The following DYNC1I1 variants were observed in gnomAD, a reference collection of about 807,000 sequenced individuals.
DYNC1I1 encodes the protein dynein cytoplasmic 1 intermediate chain 1.
DYNC1I1 carries 43 observed loss-of-function variants against 86.6 expected under a neutral mutation model. The observed-to-expected ratio is 0.50, with a 90% CI of 0.39 to 0.64. The LOEUF is 0.64. Ranked by LOEUF, DYNC1I1 falls within the 30% of genes least tolerant of loss-of-function variation. The pLI is 0.00. For synonymous variants in DYNC1I1, 262 were observed against 283.7 expected (o/e 0.92, Z 0.77); for missense variants, 604 against 788.8 (o/e 0.77, Z 2.81).
chr7:95,942,110 T>A (rs1468997574), intron 6 of DYNC1I1, among the ~76,000 whole-genome samples: 1 of 151,854 alleles, frequency 6.6e-6, no homozygotes, highest in African/African-American at 2.4e-5. Flanking sequence ...ATCAACAAAA[T>A]TGATAGACCG....
chr7:96,104,634 T>G (rs1391258483), intron 16 of DYNC1I1, among the ~76,000 whole-genome samples: 1 of 152,156 alleles, frequency 6.6e-6, no homozygotes, highest in Non-Finnish European at 1.5e-5. Context: ...ATTTTCTTTT[T>G]GTTCATTAAA....
intron 9 of DYNC1I1, among the ~76,000 whole-genome samples, chr7:95,989,642 G>A (rs1253298820): frequency 1.3e-5 from 2 of 151,934 alleles, no homozygotes; most frequent in Non-Finnish European, 2.9e-5. Context: ...ATTGCCTGTG[G>A]AGGTGTTTCC....
At chr7:95,949,745 G>C (rs1792501552) in intron 6 of DYNC1I1, among the ~76,000 whole-genome samples, 1 of 152,142 alleles carries the variant, frequency 6.6e-6, no homozygotes, top group South Asian at 2.1e-4. Context: ...GTAATTAACA[G>C]GTAAATGTAA....
intron 2 of DYNC1I1, 43 bp downstream of exon 2, chr7:95,804,880 T>A (rs771173883): frequency 7.2e-6 from 11 of 1,532,016 alleles, no homozygotes; most frequent in Non-Finnish European, 8.8e-6. Context: ...AAAAGGAAAA[T>A]CACTTGATTC....
At chr7:96,074,727 GA>G (rs1464946898) in intron 14 of DYNC1I1, among the ~76,000 whole-genome samples, 1 of 152,192 alleles carries the variant, frequency 6.6e-6, no homozygotes, top group East Asian at 1.9e-4. Flanking sequence ...TTTCAGCAGA[GA>G]TATTTTGTGC....
chr7:96,003,292 T>C (rs1297711885), intron 10 of DYNC1I1, among the ~76,000 whole-genome samples: 1 of 152,214 alleles, frequency 6.6e-6, no homozygotes, highest in African/African-American at 2.4e-5. Flanking sequence ...CCCAGCTTCA[T>C]AAATGAACCC....
intron 2 of DYNC1I1, among the ~76,000 whole-genome samples, chr7:95,807,814 C>T (rs1326568733): frequency 1.3e-5 from 2 of 152,058 alleles, no homozygotes; most frequent in East Asian, 1.9e-4. Context: ...ATTATCAAAC[C>T]GTTTAGTACA....
chr7:96,108,300 C>T lies in DYNC1I1; in HGVS notation c.1543-1679C>T, dbSNP rs113930906. Among the ~76,000 whole-genome samples, 10 of 152,214 alleles carry T rather than the reference C, an allele frequency of 6.6e-5. No individual in the cohort carries two copies. In the East Asian group the frequency reaches 1.9e-3, roughly 29 times the overall value. On this transcript the variant is annotated intron_variant, in intron 16 of 16. Transcript: ENST00000537881. ...TTGGTCATAATGGATTGATTATCCC[C>T]TTTTTATAACGTTGAGCTCAAATTG...
rs1251768752 is a variant in DYNC1I1 at position 95,943,498 on chromosome 7, T to C, written c.491-34014T>C. Among the ~76,000 whole-genome samples the C allele has an allele frequency of 5.0e-5, 7 of 139,080 alleles. No homozygotes were observed. In the East Asian group the frequency reaches 1.4e-3, roughly 29 times the overall value. 91.2% of individuals were successfully genotyped at this position (139,080 alleles called of 152,430 possible). On this transcript the variant is annotated intron_variant, in intron 6 of 16. Transcript: ENST00000447467. ...CATCCCCATCAAGCTACCAATGCCT[T>C]CCTTCACAGAATTGGAAAAAAGTAC...
intron 6 of DYNC1I1, among the ~76,000 whole-genome samples, chr7:95,892,725 G>A (rs1489018564): frequency 1.3e-5 from 2 of 152,188 alleles, no homozygotes; most frequent in African/African-American, 4.8e-5. Context: ...GGGATTACAG[G>A]TGTGAGCCAC....
intron 16 of DYNC1I1, among the ~76,000 whole-genome samples, chr7:96,089,403 G>A (rs537838923): frequency 1.3e-5 from 2 of 152,142 alleles, no homozygotes; most frequent in Non-Finnish European, 2.9e-5. Context: ...GTGAAAATTT[G>A]AGGAAAAATT....
chr7:95,778,825 G>A (rs6977559), intron 1 of DYNC1I1, among the ~76,000 whole-genome samples: 93,384 of 151,776 alleles, frequency 0.62, 29,239 homozygotes, highest in East Asian at 0.78. Flanking sequence ...CACACCAGCT[G>A]GTTAAAAAAT....
intron 6 of DYNC1I1, among the ~76,000 whole-genome samples, chr7:95,871,452 C>A (rs1361193692): frequency 6.6e-6 from 1 of 152,156 alleles, no homozygotes; most frequent in Non-Finnish European, 1.5e-5. Context: ...ACAGGAAGAT[C>A]GTTAAAAAAC....
chr7:96,109,386 C>T (rs1791274905), intron 16 of DYNC1I1, among the ~76,000 whole-genome samples: 2 of 146,544 alleles, frequency 1.4e-5, no homozygotes, highest in Admixed American at 6.9e-5. Flanking sequence ...ACAACAGTCT[C>T]GTTGACTTCT....
intron 6 of DYNC1I1, among the ~76,000 whole-genome samples, chr7:95,933,191 CTTTA>C (rs1303270165): frequency 2.0e-5 from 3 of 152,066 alleles, no homozygotes; most frequent in African/African-American, 4.8e-5. Flanking sequence ...CACAGAGAAT[CTTTA>C]TTTATACTTT....
At chr7:96,040,716 G>GTTT (rs61104103) in intron 14 of DYNC1I1, among the ~76,000 whole-genome samples, 10 of 144,852 alleles carry the variant, frequency 6.9e-5, no homozygotes, top group African/African-American at 1.0e-4. Flanking sequence ...CAAATGAGTA[G>GTTT]TTTTTTTTTT....
At position 95,785,231 on chromosome 7, in the gene DYNC1I1, G is replaced by T. The variant is rs190401479; in HGVS notation, c.-10+12458G>T. On this transcript the variant is annotated intron_variant, in intron 1 of 16. Transcript: ENST00000447467. The stretch of plus-strand genomic sequence containing the variant: ...GTTCGAGACCAGCCTGGACAACATG[G>T]TAAAACCCCGTCTCTACCAAAAAAT... Among the ~76,000 whole-genome samples, 25 of 152,138 alleles carry T rather than the reference G, an allele frequency of 1.6e-4. No individual in the cohort carries two copies. The East Asian group carries it at 3.9e-3, about 24-fold the overall frequency.
intron 6 of DYNC1I1, among the ~76,000 whole-genome samples, chr7:95,874,680 G>A (rs1790261655): frequency 6.6e-6 from 1 of 152,140 alleles, no homozygotes; most frequent in Non-Finnish European, 1.5e-5. Flanking sequence ...TTCTCCCTGT[G>A]TGTGTGTTCA....
At chr7:95,806,420 AC>A (rs1794702130) in intron 2 of DYNC1I1, among the ~76,000 whole-genome samples, 4 of 152,192 alleles carry the variant, frequency 2.6e-5, no homozygotes, top group African/African-American at 9.6e-5. Context: ...TGATTCTACA[AC>A]CAAGCACTTT....
Sources: gnomAD v4.1 joint callset for allele counts (sites outside exome capture counted in the v4.1 genomes callset) on GRCh38, gnomAD v4.1.1 for gene constraint, MANE v1.5 for transcripts, NCBI Gene and HGNC (gene_info 2026-07-23, HGNC 2026-07-21) for gene names.